The following CDH13 variants were observed in gnomAD, a reference collection of about 807,000 sequenced individuals.
CDH13 encodes the protein cadherin-13.
Under a neutral mutation model 63.8 loss-of-function variants are expected in CDH13, and 24 were observed. The ratio of observed to expected loss-of-function variants is 0.38; its 90% confidence interval spans 0.27 to 0.53. The LOEUF (loss-of-function observed/expected upper bound fraction) is 0.53. Among genes scored for constraint, CDH13 ranks in the 20% least tolerant of loss-of-function variants. CDH13 has a pLI of 0.85. For synonymous variants in CDH13, 503 were observed against 355.3 expected, an observed-to-expected ratio of 1.42 and a Z score of -4.67; for missense variants, 1,049 against 903.1, an observed-to-expected ratio of 1.16 and a Z score of -2.07.
At chr16:83,719,913 G>T (rs147917274) in intron 10 of CDH13, among the ~76,000 whole-genome samples, 77 of 152,294 alleles carry the variant, frequency 5.1e-4, no homozygotes, top group African/African-American at 1.8e-3. Context: ...CAGCATAGGG[G>T]ACAGTGGGGT....
chr16:82,846,322 A>G (rs2039253856), intron 1 of CDH13, among the ~76,000 whole-genome samples: 1 of 151,862 alleles, frequency 6.6e-6, no homozygotes, highest in Non-Finnish European at 1.5e-5. Flanking sequence ...TACCCTCTAT[A>G]TTAATATAAC....
chr16:82,790,177 C>T (rs765522289), intron 1 of CDH13, among the ~76,000 whole-genome samples: 5 of 152,134 alleles, frequency 3.3e-5, no homozygotes, highest in Non-Finnish European at 7.4e-5. Flanking sequence ...TATCTCATAC[C>T]TATAATCCCA....
At chr16:83,620,345 C>G (rs1428819201) in intron 8 of CDH13, among the ~76,000 whole-genome samples, 2 of 146,068 alleles carry the variant, frequency 1.4e-5, no homozygotes. Context: ...GAGCCGAGAT[C>G]GCACCACTGC....
At chr16:83,703,083 T>A (rs1906491330) in intron 10 of CDH13, among the ~76,000 whole-genome samples, 1 of 152,192 alleles carries the variant, frequency 6.6e-6, no homozygotes, top group African/African-American at 2.4e-5. Flanking sequence ...CCTCCTTGGG[T>A]CATGTATCTC....
At chr16:83,027,425 G>T (rs1306027706) in intron 2 of CDH13, among the ~76,000 whole-genome samples, 1 of 152,172 alleles carries the variant, frequency 6.6e-6, no homozygotes, top group Non-Finnish European at 1.5e-5. Context: ...AGTTAACAGG[G>T]TGAAGAAGGT....
intron 11 of CDH13, among the ~76,000 whole-genome samples, chr16:83,766,033 T>A (rs1161011493): frequency 6.6e-6 from 1 of 152,228 alleles, no homozygotes; most frequent in East Asian, 1.9e-4. Flanking sequence ...AGCTCACATC[T>A]AAATTGTGGC....
rs192856450 is a variant in CDH13 at position 83,060,856 on chromosome 16, C to G, written c.366+28638C>G. ...GTTGCCTTCCACTGCCTTCCACAGC[C>G]TCTTTACTTCCCCTTAAACAACCTA... On this transcript the variant is annotated intron_variant, in intron 3 of 13. Coordinates refer to ENST00000567109, the MANE Select transcript of CDH13 (RefSeq NM_001257.5). Among the ~76,000 whole-genome samples, 197 of 152,306 alleles carry G rather than the reference C, an allele frequency of 1.3e-3. 1 individual carries two copies. Among genetic ancestry groups the G allele is most frequent in the South Asian group, 0.012 (60 of 4,816 alleles).
chr16:83,086,768 C>T (rs1190641199), intron 3 of CDH13, among the ~76,000 whole-genome samples: 2 of 152,032 alleles, frequency 1.3e-5, no homozygotes, highest in African/African-American at 2.4e-5. Context: ...CAAAATAAAA[C>T]AAGCAATGGC....
chr16:82,635,724 G>C (rs1305924677), intron 1 of CDH13, among the ~76,000 whole-genome samples: 1 of 152,150 alleles, frequency 6.6e-6, no homozygotes, highest in Non-Finnish European at 1.5e-5. Flanking sequence ...GACTGATATG[G>C]TTTGGGTCTC....
At chr16:83,590,970 G>T (rs1307033651) in intron 7 of CDH13, among the ~76,000 whole-genome samples, 1 of 148,408 alleles carries the variant, frequency 6.7e-6, no homozygotes, top group African/African-American at 2.5e-5. Context: ...GAGTGCAGTG[G>T]CGTGATCTTA....
intron 5 of CDH13, among the ~76,000 whole-genome samples, chr16:83,336,061 G>A (rs534359372): frequency 2.4e-4 from 37 of 152,120 alleles, no homozygotes; most frequent in African/African-American, 8.9e-4. Flanking sequence ...AGCACTTTGG[G>A]TGCCTGAGGT....
intron 5 of CDH13, among the ~76,000 whole-genome samples, chr16:83,329,451 G>A (rs978928254): frequency 2.0e-5 from 3 of 151,444 alleles, no homozygotes; most frequent in African/African-American, 7.3e-5. Context: ...TGGCGAGGCT[G>A]GTCTCGAACT....
intron 11 of CDH13, among the ~76,000 whole-genome samples, chr16:83,768,193 A>G (rs954823722): frequency 2.0e-5 from 3 of 152,182 alleles, no homozygotes; most frequent in African/African-American, 4.8e-5. Context: ...TTAGGATCAC[A>G]CTATGTTTTT....
chr16:83,652,152 G>C (rs1163498322), intron 8 of CDH13, among the ~76,000 whole-genome samples: 1 of 152,140 alleles, frequency 6.6e-6, no homozygotes, highest in Non-Finnish European at 1.5e-5. Context: ...GGGCCCAAGG[G>C]GTCTATTTGA....
chr16:83,496,560 A>G (rs1306171222), intron 7 of CDH13, among the ~76,000 whole-genome samples: 1 of 152,184 alleles, frequency 6.6e-6, no homozygotes, highest in African/African-American at 2.4e-5. Flanking sequence ...TAAAAACCCT[A>G]GAAGAAAACC....
intron 5 of CDH13, among the ~76,000 whole-genome samples, chr16:83,241,181 C>A (rs1355902028): frequency 6.6e-6 from 1 of 152,154 alleles, no homozygotes; most frequent in Non-Finnish European, 1.5e-5. Flanking sequence ...TTCAAGAATG[C>A]ATCATAGTTC....
chr16:83,773,740 G>A (rs1357795227), intron 11 of CDH13, among the ~76,000 whole-genome samples: 1 of 152,164 alleles, frequency 6.6e-6, no homozygotes, highest in Non-Finnish European at 1.5e-5. Flanking sequence ...TCTATCCTTA[G>A]GAGGTAAGGA....
intron 4 of CDH13, among the ~76,000 whole-genome samples, chr16:83,135,008 T>G (rs1567863852): frequency 6.6e-6 from 1 of 152,192 alleles, no homozygotes; most frequent in South Asian, 2.1e-4. Flanking sequence ...ATTTAATTAT[T>G]TGTGAACATT....
At chr16:83,500,550 C>G (rs1406581018) in intron 7 of CDH13, among the ~76,000 whole-genome samples, 17 of 16,622 alleles carry the variant, frequency 1.0e-3, no homozygotes, top group African/African-American at 3.9e-3. Flanking sequence ...TCTCCCTCCT[C>G]CTCCCTCTCC....
Sources: gnomAD v4.1 joint callset for allele counts (sites outside exome capture counted in the v4.1 genomes callset) on GRCh38, gnomAD v4.1.1 for gene constraint, MANE v1.5 for transcripts, NCBI Gene and HGNC (gene_info 2026-07-23, HGNC 2026-07-21) for gene names.